Variants in RNF41 observed in about 807,000 individuals in gnomAD.
RNF41 encodes the protein ring finger protein 41.
Under a neutral mutation model 33.0 loss-of-function variants are expected in RNF41, and 4 were observed. That is an observed-to-expected ratio of 0.12 (90% CI 0.06 to 0.28). RNF41 has a LOEUF of 0.28. Among genes scored for constraint, RNF41 ranks in the 10% least tolerant of loss-of-function variants. RNF41 has a pLI of 1.00. For missense variants in RNF41, 228 were observed against 432.6 expected (o/e 0.53, Z 4.19); for synonymous variants, 164 against 153.2 (o/e 1.07, Z -0.52).
At chr12:56,219,987 G>A (rs1869227747) in intron 1 of RNF41, among the ~76,000 whole-genome samples, 2 of 150,558 alleles carry the variant, frequency 1.3e-5, no homozygotes, top group South Asian at 4.2e-4. Flanking sequence ...ACCGCACTCC[G>A]GCCTGGGTGA....
rs60851148 is a variant in RNF41 at position 56,220,018 on chromosome 12, A to AAAATAAATAAATAAATAAAT, written c.-209+1722_-209+1741dup. Among the ~76,000 whole-genome samples, 2 of 139,298 alleles carry AAAATAAATAAATAAATAAAT rather than the reference A, an allele frequency of 1.4e-5. 1 individual carries two copies. The highest frequency in any genetic ancestry group is 3.1e-5 in the Non-Finnish European group (2 of 64,598). The allele number at this position is 139,298 out of a possible 152,430, so 91.4% of individuals were successfully genotyped here. A position where few individuals can be genotyped will look rare whatever the true frequency, so the allele number is the denominator to read the frequency against. On this transcript the variant is annotated intron_variant, in intron 1 of 6. Transcript: ENST00000345093. ...GGTGACAGAGTGAGACCCTGTCTCA[A>AAAATAAATAAATAAATAAAT]AAATAAATAAATAAATAAATAAATA... is the stretch of plus-strand genomic sequence containing the variant.
rs377251769 is a variant in RNF41, at chr12:56,216,412, G to C, written c.-24+17C>G. 1 of 152,204 alleles carries C rather than the reference G, an allele frequency of 6.6e-6. No individual in the cohort carries two copies. 9.4% of individuals were successfully genotyped at this position (152,204 alleles called of 1,614,324 possible). A position where few individuals can be genotyped will look rare whatever the true frequency, so the allele number is the denominator to read the frequency against. On this transcript the variant is annotated intron_variant, in intron 2 of 6. Coordinates refer to ENST00000345093, the MANE Select transcript of RNF41 (RefSeq NM_005785.4). ...GGGTTGAGGCCTGGAATGGGATTCT[G>C]AATCAAAGCTCTTTACCTTCCAAGT...
intron 2 of RNF41, among the ~76,000 whole-genome samples, chr12:56,215,461 C>T (rs768102147): frequency 6.6e-6 from 1 of 152,060 alleles, no homozygotes; most frequent in African/African-American, 2.4e-5. Context: ...TGGCTCATGC[C>T]TGTAATCCCA....
intron 3 of RNF41, 101 bp from the exon 4 acceptor site, chr12:56,210,669 C>G: frequency 8.2e-7 from 1 of 1,214,884 alleles, no homozygotes; most frequent in Non-Finnish European, 1.2e-6. Context: ...CTTTGAGCAG[C>G]CTCTACGACA....
In RNF41 at chr12:56,202,750, T is replaced by A. The variant is rs923931135; in HGVS notation, c.*3697A>T. ...CATTAGGGACTAAGTTCTTTGCAGG[T>A]AGGTGCCATTTTGCTACATAAGCCT... On this transcript the variant is annotated 3_prime_UTR_variant, in exon 7 of 7. Transcript: ENST00000345093. 2.0e-5 allele frequency: 3 copies of A among 152,234 alleles called. No homozygotes were observed. Among genetic ancestry groups the A allele is most frequent in the Non-Finnish European group, 4.4e-5 (3 of 68,052 alleles). The allele number at this position is 152,234 out of a possible 1,614,324, so 9.4% of individuals were successfully genotyped here. A position where few individuals can be genotyped will look rare whatever the true frequency, so the allele number is the denominator to read the frequency against.
In RNF41 at chr12:56,207,653, T is replaced by A; in HGVS notation, c.595A>T (p.Ile199Phe). ...GTCCTGAGTGACACTCACTCTAGGATCTCGTTGTATTCAATTGTCTCCTCC... is the reference window on the plus strand; with the variant it reads ...GTCCTGAGTGACACTCACTCTAGGAACTCGTTGTATTCAATTGTCTCCTCC... ...NLEETIEYNE[I>F]LEWVNSLQPA... Residue 199 changes from isoleucine to phenylalanine, a missense_variant, in exon 6 of 7, where the codon ATC becomes TTC. Around this residue, in one of 2 missense-constraint regions of RNF41, gnomAD observed 199 missense variants for 334.6 expected, o/e 0.59. Transcript: ENST00000345093. 1 of 1,611,140 alleles carries A rather than the reference T, an allele frequency of 6.2e-7. No individual in the cohort carries two copies. The highest frequency in any genetic ancestry group is 8.5e-7 in the Non-Finnish European group (1 of 1,177,286).
chr12:56,218,198 C>G (rs2135815768), intron 1 of RNF41, among the ~76,000 whole-genome samples: 1 of 151,526 alleles, frequency 6.6e-6, no homozygotes, highest in Admixed American at 6.6e-5. Flanking sequence ...AGGTGATCCA[C>G]CCGCCTCAGC....
chr12:56,213,166 A>G, intron 3 of RNF41: 1 of 1,278,486 alleles, frequency 7.8e-7, no homozygotes, highest in Non-Finnish European at 1.0e-6. Context: ...GGAAAAAAAT[A>G]GGTCAGTACA....
At chr12:56,214,212 G>A in intron 2 of RNF41, 142 bp from the exon 3 acceptor site, 2 of 609,898 alleles carry the variant, frequency 3.3e-6, no homozygotes, top group South Asian at 1.9e-5. Context: ...TTGGCTCGGT[G>A]GAAGCTGACT....
rs1181175139 is a variant in RNF41, at chr12:56,204,389, GT to G, written c.*2057del. ...TCCCAGACATCCTCCTGAAAGAGAA[GT>G]TAGCACTAAGATAAGGGTAGGTAAC... is the stretch of plus-strand genomic sequence containing the variant. On this transcript the variant is annotated 3_prime_UTR_variant, in exon 7 of 7. Coordinates refer to ENST00000345093, the MANE Select transcript of RNF41 (RefSeq NM_005785.4). 6.6e-6 allele frequency: 1 copy of G among 152,218 alleles called. No homozygotes were observed. The allele number at this position is 152,218 out of a possible 1,614,324, so 9.4% of individuals were successfully genotyped here. A position where few individuals can be genotyped will look rare whatever the true frequency, so the allele number is the denominator to read the frequency against.
At chr12:56,221,693 TG>T (rs1869464836) in intron 1 of RNF41, 66 bp downstream of exon 1, 1 of 147,766 alleles carries the variant, frequency 6.8e-6, no homozygotes, top group Non-Finnish European at 1.5e-5. Context: ...CCAATACCCC[TG>T]GGACATCACC....
At chr12:56,218,743 C>T (rs1869105638) in intron 1 of RNF41, among the ~76,000 whole-genome samples, 1 of 149,384 alleles carries the variant, frequency 6.7e-6, no homozygotes, top group Non-Finnish European at 1.5e-5. Context: ...GTTGCTCTGT[C>T]GCCAGGCTGG....
chr12:56,212,296 G>T (rs1868541198), intron 3 of RNF41, among the ~76,000 whole-genome samples: 1 of 152,162 alleles, frequency 6.6e-6, no homozygotes, highest in Admixed American at 6.5e-5. Flanking sequence ...TATACCTTTT[G>T]ATTTCTGAAC....
rs937263703 is a variant in RNF41, at chr12:56,205,469, T to C, written c.*978A>G. On this transcript the variant is annotated 3_prime_UTR_variant, in exon 7 of 7. Transcript: ENST00000345093. Reference sequence around the variant, plus strand: ...GAAAAGTTTCAAGTTTGATTTTTTTTTCTTTTTTCCTTTCTTAAAAAAAAA... The same window carrying C: ...GAAAAGTTTCAAGTTTGATTTTTTTCTCTTTTTTCCTTTCTTAAAAAAAAA... The C allele has an allele frequency of 2.5e-5, 3 of 121,734 alleles. No homozygotes were observed. Among genetic ancestry groups the C allele is most frequent in the Non-Finnish European group, 3.4e-5 (2 of 59,462 alleles). 7.5% of individuals were successfully genotyped at this position (121,734 alleles called of 1,614,324 possible).
intron 2 of RNF41, among the ~76,000 whole-genome samples, chr12:56,214,419 C>T (rs1868706357): frequency 6.6e-6 from 1 of 151,170 alleles, no homozygotes; most frequent in African/African-American, 2.4e-5. Context: ...ACTCGGGAGG[C>T]TGAGGCAGGA....
rs762979160 is a variant in RNF41 at position 56,210,347 on chromosome 12, G to A, written c.312C>T (p.Ser104=). The change falls in exon 4 of 7, where the codon AGC becomes AGT. Residue 104 remains serine (S), a synonymous_variant. Transcript: ENST00000345093. The stretch of plus-strand genomic sequence containing the variant: ...GCCGCTTCGGGTTGTGCTCACAGTC[G>A]CTGAGGTGAGACATGAGGTTGTCAA... ...VRLDNLMSHL[S]DCEHNPKRPV... is the part of the protein sequence containing the mutation. 1.9e-5 allele frequency: 30 copies of A among 1,614,006 alleles called. No homozygotes were observed. The highest frequency in any genetic ancestry group is 3.3e-5 in the Admixed American group (2 of 59,992).
intron 4 of RNF41, among the ~76,000 whole-genome samples, chr12:56,209,312 AAC>A (rs1389160514): frequency 6.6e-6 from 1 of 151,532 alleles, no homozygotes; most frequent in East Asian, 1.9e-4. Context: ...AGTTAGGGGG[AAC>A]AGAGTCTCAT....
intron 3 of RNF41, among the ~76,000 whole-genome samples, chr12:56,213,539 T>G (rs892451733): frequency 3.9e-5 from 6 of 152,150 alleles, no homozygotes; most frequent in Admixed American, 3.3e-4. Flanking sequence ...GCAGGGAGCC[T>G]GGCTGATTAC....
chr12:56,209,336 G>A (rs960566933), intron 4 of RNF41, among the ~76,000 whole-genome samples: 5 of 152,080 alleles, frequency 3.3e-5, no homozygotes, highest in East Asian at 1.9e-4. Context: ...CTGTCACCCA[G>A]GCTGGAGTGC....
Sources: gnomAD v4.1 joint callset for allele counts (sites outside exome capture counted in the v4.1 genomes callset) on GRCh38, gnomAD v4.1.1 for gene constraint, gnomAD v4.1.1 regional missense constraint, MANE v1.5 for transcripts, NCBI Gene and HGNC (gene_info 2026-07-23, HGNC 2026-07-21) for gene names.